ACVR1: variants seen among roughly 807,000 people sequenced by gnomAD.
The protein encoded by ACVR1 is activin A receptor type 1.
In ACVR1, 38 loss-of-function variants were observed where a neutral mutation model predicts 57.1. The observed-to-expected ratio is 0.67, with a 90% CI of 0.51 to 0.87. ACVR1 has a LOEUF of 0.87. Ranked by LOEUF, ACVR1 falls within the 40% of genes least tolerant of loss-of-function variation. The probability of loss-of-function intolerance (pLI) is 0.00; values close to 1 mark genes in which losing one functional copy is unlikely to be tolerated. For missense variants in ACVR1, 463 were observed against 638.2 expected, an observed-to-expected ratio of 0.73 and a Z score of 2.96; for synonymous variants, 212 against 228.1, an observed-to-expected ratio of 0.93 and a Z score of 0.63.
In ACVR1 at chr2:157,761,051, T is replaced by C; in HGVS notation, c.1093A>G (p.Thr365Ala). ...TTGTTCCCCACATCAAGCTGATTGG[T>C]GCTCTGGGAATGCATGACTGCCAGG... ...LGLAVMHSQS[T>A]NQLDVGNNPR... The change falls in exon 9 of 11, where the codon ACC (threonine) becomes GCC (alanine). Residue 365 changes from threonine to alanine, a missense_variant. Physicochemically the swap from Thr to Ala is moderately conservative, Grantham distance 58 (BLOSUM62 0). Around this residue, in one of 3 missense-constraint regions of ACVR1, gnomAD observed 146 missense variants for 186.6 expected, o/e 0.78. Coordinates refer to ENST00000434821, the MANE Select transcript of ACVR1 (RefSeq NM_001111067.4). 1 of 1,614,106 alleles carries C rather than the reference T, an allele frequency of 6.2e-7. No individual in the cohort carries two copies.
chr2:157,770,149 T>C (rs929973409), intron 7 of ACVR1, among the ~76,000 whole-genome samples: 1 of 152,210 alleles, frequency 6.6e-6, no homozygotes, highest in South Asian at 2.1e-4. Flanking sequence ...TTAGCACTAG[T>C]GGATTTCCTT....
At position 157,770,529 on chromosome 2, in the gene ACVR1, A is replaced by G. The variant is rs1216014417; in HGVS notation, c.644-15T>C. On this transcript the variant is annotated splice_polypyrimidine_tract_variant and intron_variant, in intron 6 of 10. Transcript: ENST00000434821. ...CCTGCCTTTCCCTATGAAAAGCAAA[A>G]CATAGGTGACACAGAACAGTAGTCA... 6.2e-7 allele frequency: 1 copy of G among 1,613,894 alleles called. No homozygotes were observed. Among genetic ancestry groups the G allele is most frequent in the Non-Finnish European group, 8.5e-7 (1 of 1,179,870 alleles).
At chr2:157,820,701 C>T (rs1255649131) in intron 1 of ACVR1, among the ~76,000 whole-genome samples, 1 of 152,014 alleles carries the variant, frequency 6.6e-6, no homozygotes, top group Non-Finnish European at 1.5e-5. Context: ...TGCCTCTGTC[C>T]AGTCTTCTCT....
intron 1 of ACVR1, among the ~76,000 whole-genome samples, chr2:157,832,214 C>T (rs1328690156): frequency 6.6e-6 from 1 of 152,144 alleles, no homozygotes; most frequent in African/African-American, 2.4e-5. Flanking sequence ...CAGACACCAC[C>T]CCCCAATCAG....
At chr2:157,783,855 T>G (rs1443699103) in intron 3 of ACVR1, among the ~76,000 whole-genome samples, 2 of 152,200 alleles carry the variant, frequency 1.3e-5, no homozygotes, top group South Asian at 4.1e-4. Flanking sequence ...ATTTATTTTT[T>G]ATATATACCC....
rs374836197 is a variant in ACVR1 at position 157,778,199 on chromosome 2, G to A, written c.475C>T (p.Pro159Ser). Residue 159 changes from proline (P) to serine (S), a missense_variant, in exon 5 of 11, where the codon CCC becomes TCC. By Grantham distance (74) the Pro-to-Ser change is moderately conservative (BLOSUM62 -1). This residue lies in a region of ACVR1 where 203 missense variants were observed against 235.5 expected (regional missense o/e 0.86). Coordinates refer to ENST00000434821, the MANE Select transcript of ACVR1 (RefSeq NM_001111067.4). Reference protein sequence around the residue: ...FKRRNQERLNPRDVEYGTIEG... With the variant: ...FKRRNQERLNSRDVEYGTIEG... ...ATAGTGCCATACTCCACGTCTCGGGGATTGAGGCGTTCTTGGTTGCGCCTT... is the reference window on the plus strand; with the variant it reads ...ATAGTGCCATACTCCACGTCTCGGGAATTGAGGCGTTCTTGGTTGCGCCTT... The A allele has an allele frequency of 1.2e-6, 2 of 1,613,982 alleles. No individual in the cohort carries two copies. Among genetic ancestry groups the A allele is most frequent in the African/African-American group, 2.7e-5 (2 of 74,908 alleles).
rs560754607 is a variant in ACVR1 at position 157,853,913 on chromosome 2, A to G, written c.-183+21883T>C. Among the ~76,000 whole-genome samples, 13 of 152,292 alleles carry G rather than the reference A, an allele frequency of 8.5e-5. No homozygotes were observed. The East Asian group carries it at 1.9e-3, about 23-fold the overall frequency. On this transcript the variant is annotated intron_variant, in intron 1 of 10. Coordinates refer to ENST00000434821, the MANE Select transcript of ACVR1 (RefSeq NM_001111067.4). The stretch of plus-strand genomic sequence containing the variant: ...TACTTATTCTTCAAGTCCTCACTTA[A>G]TATCTTCCAGGGTCAGAAGCTTCCC...
chr2:157,867,677 ATG>A (rs919571021), intron 1 of ACVR1, among the ~76,000 whole-genome samples: 10 of 17,942 alleles, frequency 5.6e-4, no homozygotes, highest in African/African-American at 6.8e-4. Flanking sequence ...GTTAGCAACC[ATG>A]TTTTTTTTTT....
chr2:157,805,323 C>G (rs1177297081), intron 2 of ACVR1, among the ~76,000 whole-genome samples: 1 of 152,184 alleles, frequency 6.6e-6, no homozygotes, highest in Non-Finnish European at 1.5e-5. Context: ...ATTCCTGATA[C>G]TCTTCTCAAT....
chr2:157,799,427 C>A lies in ACVR1; in HGVS notation c.67G>T (p.Asp23Tyr). The change falls in exon 3 of 11, where the codon GAT (aspartate) becomes TAT (tyrosine). Residue 23 changes from aspartate to tyrosine, a missense_variant and splice_region_variant. Transcript: ENST00000434821. ...ACCCAAAAAGATGTGAGTCACTTAC[C>A]TTCCATACTAGGGGAGGGGAGAGCA... ...MIALPSPSME[D>Y]EKPKVNPKLY... 1.2e-6 allele frequency: 2 copies of A among 1,609,362 alleles called. No individual in the cohort carries two copies. Among genetic ancestry groups the A allele is most frequent in the Non-Finnish European group, 1.7e-6 (2 of 1,176,724 alleles).
intron 1 of ACVR1, among the ~76,000 whole-genome samples, chr2:157,828,725 C>G (rs552628678): frequency 1.3e-5 from 2 of 152,090 alleles, no homozygotes; most frequent in African/African-American, 4.8e-5. Flanking sequence ...TTTAATTTAG[C>G]AGTTTCATTC....
intron 1 of ACVR1, among the ~76,000 whole-genome samples, chr2:157,861,252 T>C (rs570937439): frequency 1.2e-3 from 181 of 152,346 alleles, no homozygotes; most frequent in African/African-American, 4.2e-3. Flanking sequence ...ACAGCCTTTC[T>C]GTCTATATCC....
chr2:157,855,171 T>C (rs1689466320), intron 1 of ACVR1, among the ~76,000 whole-genome samples: 1 of 151,368 alleles, frequency 6.6e-6, no homozygotes, highest in Non-Finnish European at 1.5e-5. Flanking sequence ...ATCTCAGCTC[T>C]TTGGGAGGCC....
intron 1 of ACVR1, among the ~76,000 whole-genome samples, chr2:157,821,368 A>C (rs1688154864): frequency 2.0e-5 from 3 of 152,022 alleles, no homozygotes; most frequent in South Asian, 4.1e-4. Context: ...TCTACCAAAA[A>C]TACAAAATTA....
At chr2:157,799,369 G>GA in intron 3 of ACVR1, 58 bp downstream of exon 3, 1 of 691,292 alleles carries the variant, frequency 1.4e-6, no homozygotes, top group South Asian at 1.6e-5. Flanking sequence ...TTTATAGTAA[G>GA]CCAAAAAAAA....
chr2:157,752,186 C>A (rs975178929), intron 9 of ACVR1, among the ~76,000 whole-genome samples: 2 of 152,152 alleles, frequency 1.3e-5, no homozygotes, highest in African/African-American at 4.8e-5. Context: ...GTGTGGGTGG[C>A]TAGATCCAGA....
chr2:157,824,645 A>C (rs961328117), intron 1 of ACVR1, among the ~76,000 whole-genome samples: 1 of 152,168 alleles, frequency 6.6e-6, no homozygotes, highest in Admixed American at 6.5e-5. Context: ...ATACCCCCTT[A>C]AGTCAACTTC....
chr2:157,869,425 A>G (rs971659804), intron 1 of ACVR1, among the ~76,000 whole-genome samples: 1 of 152,234 alleles, frequency 6.6e-6, no homozygotes, highest in African/African-American at 2.4e-5. Flanking sequence ...TTTTTTCTCT[A>G]ACTGCTTATT....
At chr2:157,867,441 C>A (rs562528422) in intron 1 of ACVR1, among the ~76,000 whole-genome samples, 1 of 152,106 alleles carries the variant, frequency 6.6e-6, no homozygotes, top group African/African-American at 2.4e-5. Context: ...AGTGCAAGAA[C>A]AATAAACAGC....
Sources: gnomAD v4.1 joint callset for allele counts (sites outside exome capture counted in the v4.1 genomes callset) on GRCh38, gnomAD v4.1.1 for gene constraint, gnomAD v4.1.1 regional missense constraint, MANE v1.5 for transcripts, NCBI Gene and HGNC (gene_info 2026-07-23, HGNC 2026-07-21) for gene names.